Variants in RPL11 observed in about 807,000 individuals in gnomAD.
RPL11 encodes the protein large ribosomal subunit protein uL5.
In RPL11, 3 loss-of-function variants were observed where a neutral mutation model predicts 24.1. That is an observed-to-expected ratio of 0.12 (90% CI 0.06 to 0.32). RPL11 has a LOEUF of 0.32. Among genes scored for constraint, RPL11 ranks in the 10% least tolerant of loss-of-function variants. The pLI is 1.00. For missense variants in RPL11, 146 were observed against 225.7 expected (o/e 0.65, Z 2.26); for synonymous variants, 96 against 75.7 (o/e 1.27, Z -1.39).
chr1:23,692,577 AGT>A, intron 1 of RPL11, 30 bp from the exon 2 acceptor site: 2 of 1,613,936 alleles, frequency 1.2e-6, no homozygotes, highest in Non-Finnish European at 1.7e-6. Flanking sequence ...CTCAGCTGTG[AGT>A]GTATTGACTG....
At chr1:23,694,341 G>A (rs1270157495) in intron 3 of RPL11, among the ~76,000 whole-genome samples, 1 of 151,808 alleles carries the variant, frequency 6.6e-6, no homozygotes, top group Non-Finnish European at 1.5e-5. Context: ...TTGTGCCACT[G>A]CACTCCAGCT....
At chr1:23,695,449 A>G (rs1336044949) in intron 4 of RPL11, 1 of 338,946 alleles carries the variant, frequency 3.0e-6, no homozygotes, top group Non-Finnish European at 5.7e-6. Flanking sequence ...TGTGCTTCTC[A>G]GAGTTGTATG....
intron 3 of RPL11, 123 bp from the exon 4 acceptor site, chr1:23,694,537 C>A: frequency 7.3e-7 from 1 of 1,364,838 alleles, no homozygotes; most frequent in Non-Finnish European, 1.0e-6. Context: ...TGTTCTCAGC[C>A]AAGTTTCATT....
chr1:23,695,669 A>G (rs1308775497), intron 4 of RPL11, 129 bp from the exon 5 acceptor site: 8 of 835,802 alleles, frequency 9.6e-6, no homozygotes, highest in Middle Eastern at 3.3e-4. Flanking sequence ...GACACAGATC[A>G]TGGGTCTTGC....
At chr1:23,696,280 A>G in intron 5 of RPL11, 64 bp from the exon 6 acceptor site, 1 of 1,460,708 alleles carries the variant, frequency 6.8e-7, no homozygotes, top group Non-Finnish European at 9.6e-7. Context: ...CTCAAAAGTT[A>G]GCCATTGCTG....
At chr1:23,691,890 C>T in intron 1 of RPL11, 61 bp downstream of exon 1, 1 of 1,611,354 alleles carries the variant, frequency 6.2e-7, no homozygotes, top group Non-Finnish European at 8.5e-7. Context: ...GCAGGCCGAG[C>T]CTGCGGGGGC....
chr1:23,696,330 C>T lies in RPL11; in HGVS notation c.508-14C>T. The T allele has an allele frequency of 1.9e-6, 3 of 1,613,620 alleles. No homozygotes were observed. Among genetic ancestry groups the T allele is most frequent in the Non-Finnish European group, 2.5e-6 (3 of 1,179,584 alleles). On this transcript the variant is annotated splice_polypyrimidine_tract_variant and intron_variant, in intron 5 of 5. Transcript: ENST00000643754. Reference sequence around the variant, plus strand: ...GCCTCCTGTTCTGAAAAAATTAAATCTCTTCTCTTTCAGTATGATGGGATC... The same window carrying T: ...GCCTCCTGTTCTGAAAAAATTAAATTTCTTCTCTTTCAGTATGATGGGATC...
chr1:23,691,992 T>A (rs1557433751), intron 1 of RPL11, 163 bp downstream of exon 1: 7 of 930,680 alleles, frequency 7.5e-6, no homozygotes, highest in Non-Finnish European at 6.9e-6. Context: ...CAGGGTTGAA[T>A]TCTGTCACTT....
At position 23,691,814 on chromosome 1, in the gene RPL11, G is replaced by A. The variant is rs1293536672; in HGVS notation, c.-10G>A. 4.3e-6 allele frequency: 7 copies of A among 1,614,220 alleles called. No individual in the cohort carries two copies. Among genetic ancestry groups the A allele is most frequent in the Non-Finnish European group, 4.2e-6 (5 of 1,180,048 alleles). On this transcript the variant is annotated 5_prime_UTR_variant, in exon 1 of 6. Transcript: ENST00000643754. ...GCCGGAAGCTCCGCTTTCTCTTCCT[G>A]CTCTCCATCATGGCGGTGAGTAGCT...
At position 23,694,866 on chromosome 1, in the gene RPL11, G is replaced by A. The variant is rs979736612; in HGVS notation, c.396+75G>A. The A allele has an allele frequency of 6.9e-6, 11 of 1,601,220 alleles. No homozygotes were observed. The African/African-American group carries it at 1.2e-4, about 18-fold the overall frequency. ...TCTTTATTTCATATGTGGTATGTTG[G>A]TGTTCACATGTTGAGTTGCAGCTTT... is the stretch of plus-strand genomic sequence containing the variant. On this transcript the variant is annotated intron_variant, in intron 4 of 5. Coordinates refer to ENST00000643754, the MANE Select transcript of RPL11 (RefSeq NM_000975.5).
rs767408827 is a variant in RPL11 at position 23,696,647 on chromosome 1, G to T, written c.*274G>T. Reference sequence around the variant, plus strand: ...GTGCAGTAGCCCCATTTGGAGGGGAGGGTTTGGTTGATGTTGGGGTTTGAA... The same window carrying T: ...GTGCAGTAGCCCCATTTGGAGGGGATGGTTTGGTTGATGTTGGGGTTTGAA... On this transcript the variant is annotated 3_prime_UTR_variant, in exon 6 of 6. Transcript: ENST00000643754. The T allele has an allele frequency of 1.7e-4, 92 of 536,666 alleles. No homozygotes were observed. Among genetic ancestry groups the T allele is most frequent in the Middle Eastern group, 1.0e-3 (2 of 1,928 alleles). 33.2% of individuals were successfully genotyped at this position (536,666 alleles called of 1,614,324 possible).
chr1:23,694,550 C>G, intron 3 of RPL11, 110 bp from the exon 4 acceptor site: 2 of 1,475,144 alleles, frequency 1.4e-6, no homozygotes, highest in Non-Finnish European at 1.9e-6. Context: ...GTTTCATTGA[C>G]TTCTGTTTGC....
At chr1:23,695,634 T>C in intron 4 of RPL11, 164 bp from the exon 5 acceptor site, 1 of 701,936 alleles carries the variant, frequency 1.4e-6, no homozygotes, top group Non-Finnish European at 2.5e-6. Flanking sequence ...GTGTGTTGCG[T>C]GGGATGCTGG....
rs886046307 is a variant in RPL11, at chr1:23,691,810, T to C, written c.-14T>C. The C allele has an allele frequency of 1.1e-5, 18 of 1,614,130 alleles. No homozygotes were observed. Among genetic ancestry groups the C allele is most frequent in the African/African-American group, 4.0e-5 (3 of 74,960 alleles). On this transcript the variant is annotated 5_prime_UTR_variant, in exon 1 of 6. Coordinates refer to ENST00000643754, the MANE Select transcript of RPL11 (RefSeq NM_000975.5). ...CTCGGCCGGAAGCTCCGCTTTCTCT[T>C]CCTGCTCTCCATCATGGCGGTGAGT...
intron 1 of RPL11, chr1:23,692,113 G>T (rs1644503803): frequency 5.3e-6 from 3 of 566,874 alleles, no homozygotes; most frequent in South Asian, 2.1e-5. Flanking sequence ...TCTGAGGCAG[G>T]GGGGTCCGGG....
At chr1:23,691,964 C>A in intron 1 of RPL11, 135 bp downstream of exon 1, 1 of 1,174,448 alleles carries the variant, frequency 8.5e-7, no homozygotes, top group Non-Finnish European at 1.3e-6. Context: ...ACTAGCAGAG[C>A]CGTTCGAGCC....
intron 2 of RPL11, among the ~76,000 whole-genome samples, chr1:23,693,523 C>T (rs1032740120): frequency 2.6e-5 from 4 of 152,186 alleles, no homozygotes; most frequent in African/African-American, 9.7e-5. Context: ...TTACTAGTGG[C>T]TTCTTCGGCC....
chr1:23,695,925 T>C lies in RPL11; in HGVS notation c.507+17T>C. ...CAGCAGAAGGTAAAGCTGATTTATC[T>C]CAAGTGAAGTGGTGGAATGTGATGT... On this transcript the variant is annotated intron_variant, in intron 5 of 5. Coordinates refer to ENST00000643754, the MANE Select transcript of RPL11 (RefSeq NM_000975.5). 6.4e-7 allele frequency: 1 copy of C among 1,558,972 alleles called. No homozygotes were observed. The highest frequency in any genetic ancestry group is 1.2e-5 in the South Asian group (1 of 84,570).
rs750417002 is a variant in RPL11 at position 23,693,931 on chromosome 1, A to G, written c.264+18A>G. The stretch of plus-strand genomic sequence containing the variant: ...GTCTAAAGGTGAGCCTAATCCCCTA[A>G]TGGAGTGATATTGATCAGCACTCCT... On this transcript the variant is annotated intron_variant, in intron 3 of 5. Transcript: ENST00000643754. 3.2e-6 allele frequency: 5 copies of G among 1,552,290 alleles called. No homozygotes were observed. Among genetic ancestry groups the G allele is most frequent in the Admixed American group, 3.3e-5 (2 of 59,890 alleles).
Sources: allele counts gnomAD v4.1 joint callset (sites outside exome capture counted in the v4.1 genomes callset), GRCh38; gene constraint gnomAD v4.1.1; transcripts MANE v1.5; gene names NCBI Gene and HGNC (gene_info 2026-07-23, HGNC 2026-07-21).